The following CCSER1 variants were observed in gnomAD, a reference collection of about 807,000 sequenced individuals.
CCSER1 encodes the protein serine-rich coiled-coil domain-containing protein 1.
A neutral mutation model predicts 82.0 loss-of-function variants in CCSER1; 41 were observed. That is an observed-to-expected ratio of 0.50 (90% CI 0.39 to 0.65). CCSER1 has a LOEUF of 0.65. CCSER1 is among the 30% of genes least tolerant of loss of function. The pLI is 0.00. For synonymous variants in CCSER1, 414 were observed against 383.9 expected (o/e 1.08, Z -0.92); for missense variants, 1,119 against 1,064.2 (o/e 1.05, Z -0.72).
At chr4:91,496,160 G>A (rs946221185) in intron 10 of CCSER1, among the ~76,000 whole-genome samples, 1 of 151,354 alleles carries the variant, frequency 6.6e-6, no homozygotes, top group Non-Finnish European at 1.5e-5. Flanking sequence ...CCTAAATGCA[G>A]TACCTCAGAC....
Position 90,551,678 on chromosome 4 carries a change from T to TTC in CCSER1, c.1725-76319_1725-76318dup, listed in dbSNP as rs71596530. ...CAAAATACTTCATTAAAAAATATAA[T>TTC]TCTCTCTCTCTCTCTCTCTCTCTCT... On this transcript the variant is annotated intron_variant, in intron 5 of 10. Transcript: ENST00000509176. Among the ~76,000 whole-genome samples, 434 of 88,532 alleles carry TTC rather than the reference T, an allele frequency of 4.9e-3. 4 individuals are homozygous for TTC. Among genetic ancestry groups the TTC allele is most frequent in the East Asian group, 0.015 (55 of 3,660 alleles). The allele number at this position is 88,532 out of a possible 152,430, so 58.1% of individuals were successfully genotyped here.
intron 1 of CCSER1, among the ~76,000 whole-genome samples, chr4:90,254,113 C>T (rs1051715341): frequency 3.3e-5 from 5 of 152,144 alleles, no homozygotes; most frequent in Admixed American, 6.6e-5. Context: ...TTCTTGCTTT[C>T]ATGAAGCTAT....
In CCSER1 at chr4:90,647,825, T is replaced by G. The variant is rs578092747; in HGVS notation, c.1932+19593T>G. Among the ~76,000 whole-genome samples, 3 of 152,200 alleles carry G rather than the reference T, an allele frequency of 2.0e-5. No individual in the cohort carries two copies. The East Asian group carries it at 5.8e-4, about 29-fold the overall frequency. ...TTTAGGAAGTGAAGAAATTTCAAGA[T>G]AGTAAGAAATCCAGATGAAAATGAA... On this transcript the variant is annotated intron_variant, in intron 6 of 10. Transcript: ENST00000509176.
At position 90,378,110 on chromosome 4, in the gene CCSER1, T is replaced by C. The variant is rs186696539; in HGVS notation, c.1510-21926T>C. On this transcript the variant is annotated intron_variant, in intron 3 of 10. Coordinates refer to ENST00000509176, the MANE Select transcript of CCSER1 (RefSeq NM_001145065.2). ...TTATTGAACAATGCTTTTCAGCTCT[T>C]TATGGCATTGTTTAGAATTTAATAA... Among the ~76,000 whole-genome samples, 340 of 152,298 alleles carry C rather than the reference T, an allele frequency of 2.2e-3. 2 individuals carry two copies. Among genetic ancestry groups the C allele is most frequent in the African/African-American group, 7.4e-3 (307 of 41,592 alleles).
chr4:90,755,644 C>T (rs933851854), intron 7 of CCSER1, among the ~76,000 whole-genome samples: 10 of 152,092 alleles, frequency 6.6e-5, no homozygotes, highest in African/African-American at 2.4e-4. Context: ...GCATACTTAA[C>T]TTTGAATGAA....
chr4:90,820,963 A>G (rs1358266147), intron 8 of CCSER1, among the ~76,000 whole-genome samples: 2 of 152,126 alleles, frequency 1.3e-5, no homozygotes, highest in Non-Finnish European at 2.9e-5. Context: ...ATAATCAGAA[A>G]AACACCAGAC....
intron 10 of CCSER1, among the ~76,000 whole-genome samples, chr4:91,441,141 A>G (rs1755104136): frequency 6.6e-6 from 1 of 152,198 alleles, no homozygotes; most frequent in African/African-American, 2.4e-5. Flanking sequence ...TCATCCTTAT[A>G]CCAAAGCCAG....
intron 10 of CCSER1, among the ~76,000 whole-genome samples, chr4:91,169,821 G>T (rs887520824): frequency 2.6e-5 from 4 of 151,748 alleles, no homozygotes; most frequent in Non-Finnish European, 4.4e-5. Context: ...AGTTGGTCCT[G>T]TGGCAGAAAC....
At chr4:91,097,203 A>G (rs528118288) in intron 10 of CCSER1, among the ~76,000 whole-genome samples, 2 of 152,224 alleles carry the variant, frequency 1.3e-5, no homozygotes, top group Admixed American at 6.5e-5. Flanking sequence ...GTGACTTTAT[A>G]TCATGATGAA....
At chr4:91,463,714 C>T (rs968355136) in intron 10 of CCSER1, among the ~76,000 whole-genome samples, 2 of 152,144 alleles carry the variant, frequency 1.3e-5, no homozygotes, top group African/African-American at 4.8e-5. Flanking sequence ...AATGCACAAG[C>T]TTCAGAAGCT....
chr4:91,140,473 T>G (rs1728917997), intron 10 of CCSER1, among the ~76,000 whole-genome samples: 1 of 152,110 alleles, frequency 6.6e-6, no homozygotes, highest in Non-Finnish European at 1.5e-5. Context: ...ATACTTAATA[T>G]TTTGGCTATT....
intron 10 of CCSER1, among the ~76,000 whole-genome samples, chr4:91,399,293 C>T (rs966924184): frequency 6.6e-6 from 1 of 151,678 alleles, no homozygotes; most frequent in Non-Finnish European, 1.5e-5. Flanking sequence ...TATCAGATAG[C>T]TAAGATACTA....
intron 9 of CCSER1, among the ~76,000 whole-genome samples, chr4:90,960,062 A>C (rs1039639221): frequency 1.3e-5 from 2 of 152,308 alleles, no homozygotes; most frequent in African/African-American, 2.4e-5. Context: ...AAAGATAAGG[A>C]AATAGCTTTC....
chr4:90,792,786 T>A (rs1755447530), intron 7 of CCSER1, among the ~76,000 whole-genome samples: 1 of 152,180 alleles, frequency 6.6e-6, no homozygotes, highest in Non-Finnish European at 1.5e-5. Flanking sequence ...CAATGCCTAG[T>A]TGAACAGATT....
chr4:91,301,963 CTTCT>C (rs1744702967), intron 10 of CCSER1, among the ~76,000 whole-genome samples: 2 of 142,860 alleles, frequency 1.4e-5, no homozygotes, highest in East Asian at 4.3e-4. Flanking sequence ...TTCTTCTTTC[CTTCT>C]TTCCTTCCTT....
chr4:90,140,688 C>T (rs555647357), intron 1 of CCSER1, among the ~76,000 whole-genome samples: 3 of 90,970 alleles, frequency 3.3e-5, no homozygotes, highest in African/African-American at 1.3e-4. Context: ...TTTTTTGAGA[C>T]GGAGTCTTGC....
At chr4:91,472,992 T>C (rs557093858) in intron 10 of CCSER1, among the ~76,000 whole-genome samples, 2 of 152,308 alleles carry the variant, frequency 1.3e-5, no homozygotes, top group South Asian at 4.1e-4. Context: ...TGACAGTCTG[T>C]GATCTGTGTT....
At chr4:91,420,210 C>T (rs1753612493) in intron 10 of CCSER1, among the ~76,000 whole-genome samples, 1 of 151,954 alleles carries the variant, frequency 6.6e-6, no homozygotes, top group African/African-American at 2.4e-5. Flanking sequence ...GGGACAACAG[C>T]CACCTGAAAA....
At chr4:90,723,809 CTTA>C (rs869134974) in intron 6 of CCSER1, 102 bp from the exon 7 acceptor site, 131 of 461,610 alleles carry the variant, frequency 2.8e-4, no homozygotes, top group East Asian at 2.7e-3. Flanking sequence ...TCATATTTTA[CTTA>C]TTATTTGTTT....
Sources: gnomAD v4.1 joint callset for allele counts (sites outside exome capture counted in the v4.1 genomes callset) on GRCh38, gnomAD v4.1.1 for gene constraint, MANE v1.5 for transcripts, NCBI Gene and HGNC (gene_info 2026-07-23, HGNC 2026-07-21) for gene names.